The following AKAP19 variants were observed in gnomAD, a reference collection of about 807,000 sequenced individuals.
AKAP19 encodes A-kinase anchoring protein 19.
the AKAP19 span, among the ~76,000 whole-genome samples, chr2:189,942,008 G>A: frequency 3.3e-5 from 5 of 152,080 alleles, no homozygotes; most frequent in Admixed American, 1.3e-4. Flanking sequence ...AAAGAGCAGG[G>A]GGAGCTAAAT....
chr2:189,923,117 C>T, the AKAP19 span, among the ~76,000 whole-genome samples: 1 of 152,186 alleles, frequency 6.6e-6, no homozygotes, highest in Admixed American at 6.5e-5. Flanking sequence ...CACCACTGCA[C>T]TCCAGCCTGG....
At chr2:190,116,027 C>T in the AKAP19 span, among the ~76,000 whole-genome samples, 1 of 152,202 alleles carries the variant, frequency 6.6e-6, no homozygotes, top group African/African-American at 2.4e-5. Flanking sequence ...AATTTCTACG[C>T]AAACCTGCAA....
chr2:189,972,372 T>G, the AKAP19 span, among the ~76,000 whole-genome samples: 1 of 152,184 alleles, frequency 6.6e-6, no homozygotes, highest in Non-Finnish European at 1.5e-5. Context: ...CCATGCTGTT[T>G]TGATTGCTGT....
chr2:190,024,267 A>G, the AKAP19 span, among the ~76,000 whole-genome samples: 1 of 151,482 alleles, frequency 6.6e-6, no homozygotes, highest in Non-Finnish European at 1.5e-5. Context: ...AGCTCTTTTG[A>G]GTGAGAAATC....
the AKAP19 span, among the ~76,000 whole-genome samples, chr2:190,128,794 AG>A: frequency 5.9e-5 from 9 of 152,226 alleles, no homozygotes; most frequent in African/African-American, 1.7e-4. Flanking sequence ...AAAGAAGAAA[AG>A]TCTCTAATAG....
the AKAP19 span, among the ~76,000 whole-genome samples, chr2:190,001,783 A>G: frequency 3.3e-5 from 5 of 152,146 alleles, no homozygotes; most frequent in African/African-American, 1.2e-4. Flanking sequence ...TTAGTCTCCT[A>G]TGTGCACATA....
At chr2:190,030,026 T>C in the AKAP19 span, among the ~76,000 whole-genome samples, 1 of 152,200 alleles carries the variant, frequency 6.6e-6, no homozygotes, top group East Asian at 1.9e-4. Context: ...CAGAGCCTAT[T>C]TACCCTTCAG....
the AKAP19 span, chr2:190,055,985 G>A: frequency 2.6e-5 from 4 of 152,468 alleles, no homozygotes; most frequent in African/African-American, 7.2e-5. Context: ...ATAATGGAAC[G>A]TTGAGATTTA....
the AKAP19 span, among the ~76,000 whole-genome samples, chr2:190,152,982 G>A: frequency 2.9e-4 from 44 of 150,612 alleles, no homozygotes; most frequent in African/African-American, 1.1e-3. Flanking sequence ...TGCAAGCTCC[G>A]CCTCCCGGGT....
At chr2:189,976,194 A>T in the AKAP19 span, among the ~76,000 whole-genome samples, 1 of 152,274 alleles carries the variant, frequency 6.6e-6, no homozygotes, top group African/African-American at 2.4e-5. Context: ...TTTCCTTCTA[A>T]CAGTCAGGAT....
chr2:190,189,528 A>G, the AKAP19 span, among the ~76,000 whole-genome samples: 2 of 152,246 alleles, frequency 1.3e-5, no homozygotes, highest in African/African-American at 4.8e-5. Flanking sequence ...ATACGGCTAA[A>G]CCAGCTGAAG....
chr2:190,151,818 A>G, the AKAP19 span, among the ~76,000 whole-genome samples: 1 of 152,092 alleles, frequency 6.6e-6, no homozygotes, highest in Admixed American at 6.6e-5. Flanking sequence ...CCTGGCCAAC[A>G]TAGTGACATC....
chr2:190,078,374 C>G, the AKAP19 span, among the ~76,000 whole-genome samples: 1 of 152,094 alleles, frequency 6.6e-6, no homozygotes, highest in Non-Finnish European at 1.5e-5. Context: ...AATATACTAC[C>G]TGGTTACTAA....
chr2:189,963,263 C>G, the AKAP19 span, among the ~76,000 whole-genome samples: 1 of 144,088 alleles, frequency 6.9e-6, no homozygotes, highest in Non-Finnish European at 1.5e-5. Context: ...GCCGCGATCT[C>G]CACTCACTGC....
chr2:190,000,462 T>G, the AKAP19 span, among the ~76,000 whole-genome samples: 11 of 152,210 alleles, frequency 7.2e-5, no homozygotes, highest in Admixed American at 2.0e-4. Flanking sequence ...TTCCTTGCTA[T>G]TTGTTGGGGA....
the AKAP19 span, among the ~76,000 whole-genome samples, chr2:190,016,526 T>C: frequency 6.6e-6 from 1 of 152,182 alleles, no homozygotes; most frequent in Non-Finnish European, 1.5e-5. Context: ...GAGATTTGGA[T>C]GGGGACACAA....
the AKAP19 span, among the ~76,000 whole-genome samples, chr2:189,895,998 G>A: frequency 1.0e-5 from 1 of 96,256 alleles, no homozygotes; most frequent in Non-Finnish European, 2.1e-5. Flanking sequence ...AACAAAGTGA[G>A]ACCCTGTCTC....
At chr2:190,112,696 T>C in the AKAP19 span, among the ~76,000 whole-genome samples, 3 of 152,190 alleles carry the variant, frequency 2.0e-5, no homozygotes, top group African/African-American at 7.2e-5. Context: ...ATTTTAACCA[T>C]ACTTGATCAT....
At chr2:190,101,029 A>G in the AKAP19 span, among the ~76,000 whole-genome samples, 1 of 152,194 alleles carries the variant, frequency 6.6e-6, no homozygotes, top group East Asian at 1.9e-4. Flanking sequence ...TGGAGATGCT[A>G]TGAGGGAAAG....
Sources: allele counts gnomAD v4.1 joint callset (sites outside exome capture counted in the v4.1 genomes callset), GRCh38; gene constraint gnomAD v4.1.1; transcripts MANE v1.5; gene names NCBI Gene and HGNC (gene_info 2026-07-23, HGNC 2026-07-21).